The following IFT57 variants were observed in gnomAD, a reference collection of about 807,000 sequenced individuals.
IFT57 encodes the protein intraflagellar transport protein 57 homolog.
In IFT57, 59 loss-of-function variants were observed where a neutral mutation model predicts 56.8. That is an observed-to-expected ratio of 1.04 (90% CI 0.84 to 1.29). IFT57 has a LOEUF of 1.29. IFT57 is among the 50% of genes most tolerant of loss of function. The pLI, the probability that IFT57 is intolerant of heterozygous loss-of-function variation, is 0.00. For missense variants in IFT57, 470 were observed against 522.1 expected (o/e 0.90, Z 0.97); for synonymous variants, 209 against 186.1 (o/e 1.12, Z -1.00).
intron 5 of IFT57, among the ~76,000 whole-genome samples, chr3:108,193,664 G>C (rs897139774): frequency 1.3e-5 from 2 of 152,116 alleles, no homozygotes; most frequent in African/African-American, 4.8e-5. Flanking sequence ...TATCATAGCT[G>C]GGGAAGGAGG....
At chr3:108,163,623 C>G (rs376511856) in intron 10 of IFT57, 40 bp downstream of exon 10, 3 of 1,393,284 alleles carry the variant, frequency 2.2e-6, no homozygotes, top group Non-Finnish European at 3.0e-6. Flanking sequence ...AGCTATTTTT[C>G]TCTTGCTCAG....
intron 4 of IFT57, among the ~76,000 whole-genome samples, chr3:108,207,082 T>C (rs2080317911): frequency 6.6e-6 from 1 of 152,300 alleles, no homozygotes; most frequent in East Asian, 1.9e-4. Flanking sequence ...TTTTGAGCAA[T>C]ATAACTGAAA....
Position 108,166,865 on chromosome 3 carries a change from G to A in IFT57, c.970C>T (p.Gln324Ter). The A allele has an allele frequency of 6.2e-7, 1 of 1,608,248 alleles. No individual in the cohort carries two copies. Reference sequence around the variant, plus strand: ...CATTCTTAAATTACCTCACTCAGCTGGGCTTGAGCTGCACGATATTCTTGA... The same window carrying A: ...CATTCTTAAATTACCTCACTCAGCTAGGCTTGAGCTGCACGATATTCTTGA... ...LVQEYRAAQA[Q>*]LSEAKERYQQ... Residue 324 changes from glutamine (Q) to a stop codon, truncating the protein, a stop_gained, in exon 8 of 11, where the codon CAG (glutamine) becomes TAG (stop). Coordinates refer to ENST00000264538, the MANE Select transcript of IFT57 (RefSeq NM_018010.4). LOFTEE classifies it high-confidence loss of function.
At position 108,162,483 on chromosome 3, in the gene IFT57, A is replaced by G; in HGVS notation, c.1284T>C (p.Phe428=). ...ATVIPEPATG[F]Y The stretch of plus-strand genomic sequence containing the variant: ...ACATGAAAACCAGTATGTTTTAATA[A>G]AAGCCTGTTGCTGGTTCTGGAATAA... The change falls in exon 11 of 11, where the codon TTT becomes TTC. Residue 428 remains phenylalanine, a synonymous_variant. Transcript: ENST00000264538. 1 of 1,596,122 alleles carries G rather than the reference A, an allele frequency of 6.3e-7. No homozygotes were observed. The highest frequency in any genetic ancestry group is 1.1e-5 in the South Asian group (1 of 87,594).
At chr3:108,195,580 C>G (rs1264131899) in intron 5 of IFT57, among the ~76,000 whole-genome samples, 1 of 151,984 alleles carries the variant, frequency 6.6e-6, no homozygotes, top group Non-Finnish European at 1.5e-5. Flanking sequence ...AAGTGTTGAT[C>G]AAGGGATGAA....
intron 3 of IFT57, among the ~76,000 whole-genome samples, chr3:108,215,514 GGCGACA>G: frequency 6.6e-6 from 1 of 152,148 alleles, no homozygotes; most frequent in East Asian, 1.9e-4. Flanking sequence ...CTCCAGCCTG[GGCGACA>G]GAGTGAGACC....
chr3:108,182,260 G>GA (rs1377542077), intron 6 of IFT57, among the ~76,000 whole-genome samples: 1 of 151,982 alleles, frequency 6.6e-6, no homozygotes, highest in Non-Finnish European at 1.5e-5. Context: ...GAATGAGGGG[G>GA]AAAAAATCCT....
At chr3:108,172,699 T>C (rs997089666) in intron 6 of IFT57, among the ~76,000 whole-genome samples, 2 of 151,766 alleles carry the variant, frequency 1.3e-5, no homozygotes, top group African/African-American at 4.8e-5. Context: ...AGTACGCATA[T>C]GGGGTGACTG....
chr3:108,218,692 T>C lies in IFT57; in HGVS notation c.376-39A>G, dbSNP rs767717424. 6.9e-6 allele frequency: 7 copies of C among 1,012,526 alleles called. No homozygotes were observed. In the Admixed American group the frequency reaches 8.1e-5, roughly 12 times the overall value. 62.7% of individuals were successfully genotyped at this position (1,012,526 alleles called of 1,614,324 possible). A position where few individuals can be genotyped will look rare whatever the true frequency, so the allele number is the denominator to read the frequency against. Reference sequence around the variant, plus strand: ...GAAAAAACAGGGTATTATTTGTTAGTTATACTCCAAATGTCAAATATTTTA... The same window carrying C: ...GAAAAAACAGGGTATTATTTGTTAGCTATACTCCAAATGTCAAATATTTTA... On this transcript the variant is annotated intron_variant, in intron 2 of 10. Coordinates refer to ENST00000264538, the MANE Select transcript of IFT57 (RefSeq NM_018010.4).
chr3:108,170,735 T>C (rs1014498252), intron 6 of IFT57, among the ~76,000 whole-genome samples: 1 of 150,530 alleles, frequency 6.6e-6, no homozygotes. Flanking sequence ...GGCATCATGC[T>C]ACTTGACTTC....
intron 6 of IFT57, among the ~76,000 whole-genome samples, chr3:108,183,976 T>C (rs1034553434): frequency 2.0e-5 from 3 of 152,186 alleles, no homozygotes; most frequent in African/African-American, 7.2e-5. Context: ...TTGATTCATG[T>C]AAAAATTTAA....
At position 108,162,248 on chromosome 3, in the gene IFT57, T is replaced by C. The variant is rs1335099335; in HGVS notation, c.*229A>G. On this transcript the variant is annotated 3_prime_UTR_variant, in exon 11 of 11. Coordinates refer to ENST00000264538, the MANE Select transcript of IFT57 (RefSeq NM_018010.4). ...CACCAGGTGGGAGCTTTAACATAGG[T>C]AATGATTAGTGAAAGCTTCTTAGAA... 2.7e-6 allele frequency: 1 copy of C among 369,018 alleles called. No individual in the cohort carries two copies. Among genetic ancestry groups the C allele is most frequent in the Non-Finnish European group, 4.9e-6 (1 of 205,010 alleles). 22.9% of individuals were successfully genotyped at this position (369,018 alleles called of 1,614,324 possible).
chr3:108,175,049 C>G (rs979724947), intron 6 of IFT57, among the ~76,000 whole-genome samples: 2 of 151,828 alleles, frequency 1.3e-5, no homozygotes, highest in African/African-American at 4.8e-5. Context: ...AATCTCAAAA[C>G]AGTGTATTTT....
At chr3:108,166,175 C>T (rs1188439686) in intron 8 of IFT57, among the ~76,000 whole-genome samples, 2 of 151,970 alleles carry the variant, frequency 1.3e-5, no homozygotes, top group Non-Finnish European at 2.9e-5. Context: ...TCAACTTTGT[C>T]TGCTGAAGAC....
At position 108,171,589 on chromosome 3, in the gene IFT57, C is replaced by T. The variant is rs1008065988; in HGVS notation, c.778-3725G>A. On this transcript the variant is annotated intron_variant, in intron 6 of 10. Coordinates refer to ENST00000264538, the MANE Select transcript of IFT57 (RefSeq NM_018010.4). Reference sequence around the variant, plus strand: ...ATAGTTGAGGGGACTATTCACCACCCGTGACTATGACTACACAGAGTTGAC... The same window carrying T: ...ATAGTTGAGGGGACTATTCACCACCTGTGACTATGACTACACAGAGTTGAC... 4.0e-5 allele frequency among the ~76,000 whole-genome samples: 6 copies of T among 151,794 alleles called. No individual in the cohort carries two copies. In the East Asian group the frequency reaches 7.8e-4, roughly 20 times the overall value.
At chr3:108,200,087 A>T (rs1420883339) in intron 5 of IFT57, among the ~76,000 whole-genome samples, 1 of 152,190 alleles carries the variant, frequency 6.6e-6, no homozygotes, top group Non-Finnish European at 1.5e-5. Flanking sequence ...CCAGATCAAA[A>T]TTTTATTGCT....
chr3:108,191,028 T>C (rs1420610397), intron 6 of IFT57, among the ~76,000 whole-genome samples: 1 of 152,122 alleles, frequency 6.6e-6, no homozygotes, highest in Non-Finnish European at 1.5e-5. Context: ...CCTGACCTCA[T>C]GATTTGCCCA....
intron 6 of IFT57, among the ~76,000 whole-genome samples, chr3:108,172,180 G>A (rs561039084): frequency 3.3e-5 from 5 of 151,764 alleles, no homozygotes; most frequent in African/African-American, 7.3e-5. Context: ...GTGGAACCTC[G>A]AAGCATGAGT....
At chr3:108,208,094 C>G (rs1268318368) in intron 4 of IFT57, among the ~76,000 whole-genome samples, 1 of 150,376 alleles carries the variant, frequency 6.6e-6, no homozygotes, top group Non-Finnish European at 1.5e-5. Context: ...CTAAGGTAAG[C>G]TATGAGAACT....
Sources: allele counts gnomAD v4.1 joint callset (sites outside exome capture counted in the v4.1 genomes callset), GRCh38; gene constraint gnomAD v4.1.1; transcripts MANE v1.5; gene names NCBI Gene and HGNC (gene_info 2026-07-23, HGNC 2026-07-21).